OPCML: variants seen among roughly 807,000 people sequenced by gnomAD.
OPCML encodes opioid binding protein/cell adhesion molecule like.
A neutral mutation model predicts 37.8 loss-of-function variants in OPCML; 13 were observed. The ratio of observed to expected loss-of-function variants is 0.34; its 90% CI spans 0.22 to 0.55. OPCML has a LOEUF of 0.55. Among genes scored for constraint, OPCML ranks in the 20% least tolerant of loss-of-function variants. The probability of loss-of-function intolerance (pLI) is 0.91; values close to 1 mark genes in which losing one functional copy is unlikely to be tolerated. For missense variants in OPCML, 341 were observed against 435.6 expected (o/e 0.78, Z 1.93); for synonymous variants, 176 against 168.8 (o/e 1.04, Z -0.33).
chr11:132,826,094 G>T (rs1024748781), intron 2 of OPCML, among the ~76,000 whole-genome samples: 3 of 152,190 alleles, frequency 2.0e-5, no homozygotes, highest in African/African-American at 7.2e-5. Flanking sequence ...TGTATGTCCT[G>T]TCCATCTCTG....
rs575873304 is a variant in OPCML at position 132,469,848 on chromosome 11, T to C, written c.506-32489A>G. On this transcript the variant is annotated intron_variant, in intron 4 of 7. Coordinates refer to ENST00000524381, the MANE Select transcript of OPCML (RefSeq NM_001012393.5). ...GTATGTGTGTGGGGGGCTGTATGTG[T>C]GTGTATGTATGTGTGGGGGTGTGTA... is the stretch of plus-strand genomic sequence containing the variant. Among the ~76,000 whole-genome samples, 6 of 122,384 alleles carry C rather than the reference T, an allele frequency of 4.9e-5. No individual in the cohort carries two copies. In the East Asian group the frequency reaches 1.9e-3, roughly 38 times the overall value. The allele number at this position is 122,384 out of a possible 152,430, so 80.3% of individuals were successfully genotyped here.
At chr11:133,393,019 C>T (rs1592260574) in intron 1 of OPCML, among the ~76,000 whole-genome samples, 2 of 148,154 alleles carry the variant, frequency 1.3e-5, no homozygotes, top group African/African-American at 5.0e-5. Flanking sequence ...ATAAACACTT[C>T]CTTCTCACTG....
intron 2 of OPCML, among the ~76,000 whole-genome samples, chr11:132,884,202 G>A (rs1457085257): frequency 2.0e-5 from 3 of 152,190 alleles, no homozygotes; most frequent in African/African-American, 7.2e-5. Context: ...TGTCCTTTGG[G>A]TGTGCCCACC....
At chr11:132,991,460 T>C (rs1946775245) in intron 1 of OPCML, among the ~76,000 whole-genome samples, 1 of 152,258 alleles carries the variant, frequency 6.6e-6, no homozygotes, top group South Asian at 2.1e-4. Flanking sequence ...ATGCAACTAA[T>C]GTCTTATTTA....
At chr11:133,296,338 A>G (rs904109439) in intron 1 of OPCML, among the ~76,000 whole-genome samples, 5 of 152,180 alleles carry the variant, frequency 3.3e-5, no homozygotes, top group African/African-American at 1.2e-4. Context: ...CTTCTGGTGC[A>G]GATTCCAGTC....
At chr11:132,811,943 A>T (rs117098592) in intron 2 of OPCML, among the ~76,000 whole-genome samples, 2,438 of 152,286 alleles carry the variant, frequency 0.016, 27 homozygotes, top group Middle Eastern at 0.027. Context: ...TCCTCAAATT[A>T]TATTAATATA....
At chr11:133,029,625 A>C (rs1947628500) in intron 1 of OPCML, among the ~76,000 whole-genome samples, 1 of 152,202 alleles carries the variant, frequency 6.6e-6, no homozygotes, top group Non-Finnish European at 1.5e-5. Context: ...AGGAACAGAA[A>C]ACCAAATACC....
chr11:133,456,307 A>C (rs868039059), intron 1 of OPCML, among the ~76,000 whole-genome samples: 50 of 152,164 alleles, frequency 3.3e-4, no homozygotes, highest in Admixed American at 2.6e-4. Flanking sequence ...CACAGGTCCA[A>C]CCACGAAATA....
chr11:132,721,950 CTTTTTTTTTTTTTT>C (rs34325848), intron 2 of OPCML, among the ~76,000 whole-genome samples: 1 of 82,782 alleles, frequency 1.2e-5, no homozygotes, highest in Non-Finnish European at 2.2e-5. Context: ...CTTTCCTTCC[CTTTTTTTTTTTTTT>C]TTTTTTTTTG....
chr11:133,184,083 G>A (rs1309003976), intron 1 of OPCML, among the ~76,000 whole-genome samples: 3 of 152,180 alleles, frequency 2.0e-5, no homozygotes, highest in Non-Finnish European at 4.4e-5. Flanking sequence ...CTCAGAGGCT[G>A]ACCCTAATCC....
intron 1 of OPCML, among the ~76,000 whole-genome samples, chr11:133,232,575 G>GAA (rs149567552): frequency 6.8e-6 from 1 of 147,768 alleles, no homozygotes; most frequent in Non-Finnish European, 1.5e-5. Context: ...GAAATTAAAA[G>GAA]AAAAAAAAAA....
At chr11:133,109,172 C>A (rs1949211282) in intron 1 of OPCML, among the ~76,000 whole-genome samples, 1 of 152,148 alleles carries the variant, frequency 6.6e-6, no homozygotes, top group African/African-American at 2.4e-5. Flanking sequence ...TTGGTTCCTT[C>A]CGGTGGGTTC....
At chr11:133,258,053 T>A (rs1941375065) in intron 1 of OPCML, among the ~76,000 whole-genome samples, 1 of 152,188 alleles carries the variant, frequency 6.6e-6, no homozygotes, top group Admixed American at 6.5e-5. Flanking sequence ...TGGCTCAGCA[T>A]GGGCCCATAG....
At chr11:133,210,992 G>A (rs1207828032) in intron 1 of OPCML, among the ~76,000 whole-genome samples, 1 of 151,980 alleles carries the variant, frequency 6.6e-6, no homozygotes, top group Admixed American at 6.6e-5. Flanking sequence ...AAGAGGAAAG[G>A]ATTTAGCTGA....
In OPCML at chr11:132,494,765, T is replaced by C. The variant is rs76238299; in HGVS notation, c.505+34296A>G. Among the ~76,000 whole-genome samples the C allele has an allele frequency of 9.4e-3, 1,438 of 152,332 alleles. 12 individuals carry two copies. Among genetic ancestry groups the C allele is most frequent in the African/African-American group, 0.032 (1,329 of 41,566 alleles). Reference sequence around the variant, plus strand: ...TAAAAAACAAAACAAAAACTGAACATTTGTTGCAGAAACTTCCTTTCCTCC... The same window carrying C: ...TAAAAAACAAAACAAAAACTGAACACTTGTTGCAGAAACTTCCTTTCCTCC... On this transcript the variant is annotated intron_variant, in intron 4 of 7. Transcript: ENST00000524381.
At chr11:132,904,472 CATTGCTCTTGA>C (rs1484602909) in intron 2 of OPCML, among the ~76,000 whole-genome samples, 1 of 152,216 alleles carries the variant, frequency 6.6e-6, no homozygotes, top group Non-Finnish European at 1.5e-5. Context: ...ATAGAGTTCT[CATTGCTCTTGA>C]ATTTGTGACC....
At chr11:132,544,843 G>T (rs756051958) in intron 3 of OPCML, among the ~76,000 whole-genome samples, 1 of 152,136 alleles carries the variant, frequency 6.6e-6, no homozygotes, top group Non-Finnish European at 1.5e-5. Flanking sequence ...CTCCAGGCAG[G>T]TGAGGAAGGA....
At chr11:133,306,192 A>G (rs1170433394) in intron 1 of OPCML, among the ~76,000 whole-genome samples, 1 of 152,194 alleles carries the variant, frequency 6.6e-6, no homozygotes, top group Non-Finnish European at 1.5e-5. Flanking sequence ...TCATGAGTGC[A>G]GCCCAGCTCC....
intron 1 of OPCML, among the ~76,000 whole-genome samples, chr11:133,044,281 G>A (rs1591945795): frequency 6.6e-6 from 1 of 152,296 alleles, no homozygotes; most frequent in East Asian, 1.9e-4. Context: ...GATAGTAAAT[G>A]TAGAGATTCG....
Sources: allele counts gnomAD v4.1 joint callset (sites outside exome capture counted in the v4.1 genomes callset), GRCh38; gene constraint gnomAD v4.1.1; transcripts MANE v1.5; gene names NCBI Gene and HGNC (gene_info 2026-07-23, HGNC 2026-07-21).